The following SLC12A3 variants were observed in gnomAD, a reference collection of about 807,000 sequenced individuals.
SLC12A3 encodes solute carrier family 12 member 3.
In SLC12A3, 104 loss-of-function variants were observed where a neutral mutation model predicts 121.0. The ratio of observed to expected loss-of-function variants is 0.86; its 90% CI spans 0.73 to 1.01. The LOEUF (loss-of-function observed/expected upper bound fraction) is 1.01. Ranked by LOEUF, SLC12A3 falls within the 50% of genes least tolerant of loss-of-function variation. The pLI, the probability that SLC12A3 is intolerant of heterozygous loss-of-function variation, is 0.00. For synonymous variants in SLC12A3, 536 were observed against 533.4 expected (o/e 1.00, Z -0.07); for missense variants, 1,328 against 1,356.3 (o/e 0.98, Z 0.33).
chr16:56,870,365 C>T (rs2055076961), intron 5 of SLC12A3, 130 bp downstream of exon 5: 2 of 1,043,142 alleles, frequency 1.9e-6, no homozygotes, highest in Non-Finnish European at 2.8e-6. Context: ...AGCCTGATCA[C>T]TGTGGGTGAG....
At chr16:56,880,322 G>A in intron 12 of SLC12A3, 69 bp downstream of exon 12, 1 of 1,526,208 alleles carries the variant, frequency 6.6e-7, no homozygotes, top group Non-Finnish European at 8.8e-7. Context: ...GGTCTTGGGG[G>A]CCGGGCTCTT....
rs1181829664 is a variant in SLC12A3 at position 56,904,477 on chromosome 16, G to C, written c.2924+15G>C. The C allele has an allele frequency of 1.9e-6, 3 of 1,611,894 alleles. No homozygotes were observed. The highest frequency in any genetic ancestry group is 2.5e-6 in the Non-Finnish European group (3 of 1,178,306). ...CTCATCGTCATGTAAGTAGTGCCCG[G>C]CTGGTGGGAGGACCAGTCTGTCCAG... On this transcript the variant is annotated intron_variant, in intron 25 of 25. Transcript: ENST00000563236.
chr16:56,888,946 A>G (rs1409227439), intron 18 of SLC12A3, among the ~76,000 whole-genome samples: 2 of 152,188 alleles, frequency 1.3e-5, no homozygotes, highest in East Asian at 3.9e-4. Context: ...GAAGGTGCAC[A>G]GGGAACCAGC....
chr16:56,894,051 T>A (rs188814192), intron 21 of SLC12A3, among the ~76,000 whole-genome samples: 426 of 151,746 alleles, frequency 2.8e-3, no homozygotes, highest in Non-Finnish European at 4.8e-3. Context: ...TTGCCCAGGC[T>A]GGAGTGCAAT....
intron 25 of SLC12A3, among the ~76,000 whole-genome samples, chr16:56,908,928 C>T (rs565163704): frequency 6.6e-6 from 1 of 152,318 alleles, no homozygotes; most frequent in South Asian, 2.1e-4. Context: ...CAGACCACGG[C>T]TTAATGAGTG....
chr16:56,904,515 C>A, intron 25 of SLC12A3, 53 bp downstream of exon 25: 2 of 1,562,358 alleles, frequency 1.3e-6, no homozygotes, highest in South Asian at 1.1e-5. Flanking sequence ...TCAGGTGTCT[C>A]AGCTCTGGGA....
intron 20 of SLC12A3, 42 bp from the exon 21 acceptor site, chr16:56,892,911 G>A (rs376551988): frequency 1.3e-5 from 20 of 1,547,392 alleles, no homozygotes; most frequent in African/African-American, 1.1e-4. Context: ...GCCTGGATGC[G>A]CGGCTGCTGG....
At chr16:56,892,804 C>T (rs1596933416) in intron 20 of SLC12A3, 149 bp from the exon 21 acceptor site, 1 of 670,528 alleles carries the variant, frequency 1.5e-6, no homozygotes, top group Non-Finnish European at 2.7e-6. Flanking sequence ...GGGCACATCA[C>T]AGCACTGAGC....
chr16:56,877,813 A>G (rs138304290), intron 8 of SLC12A3, among the ~76,000 whole-genome samples: 81 of 151,786 alleles, frequency 5.3e-4, no homozygotes, highest in Admixed American at 9.9e-4. Flanking sequence ...CTCTGCCTCC[A>G]TTTCCCAGGG....
Position 56,913,056 on chromosome 16 carries a change from G to A in SLC12A3, c.2925-208G>A, listed in dbSNP as rs556643396. On this transcript the variant is annotated intron_variant, in intron 25 of 25. Transcript: ENST00000563236. Reference sequence around the variant, plus strand: ...AGGACTAGATCCCATAGGGCTTGTGGGCCATGGCTTTGTTTAGAAACGCTT... The same window carrying A: ...AGGACTAGATCCCATAGGGCTTGTGAGCCATGGCTTTGTTTAGAAACGCTT... Among the ~76,000 whole-genome samples the A allele has an allele frequency of 3.9e-5, 6 of 152,256 alleles. No homozygotes were observed. In the South Asian group the frequency reaches 1.0e-3, roughly 26 times the overall value.
intron 21 of SLC12A3, among the ~76,000 whole-genome samples, chr16:56,893,971 TTTTA>T (rs56844793): frequency 0.12 from 14,488 of 116,200 alleles, 946 homozygotes; most frequent in Middle Eastern, 0.16. Flanking sequence ...TTTATTTTTA[TTTTA>T]TTTATTTATT....
At chr16:56,904,361 A>T in intron 24 of SLC12A3, 34 bp from the exon 25 acceptor site, 1 of 1,603,474 alleles carries the variant, frequency 6.2e-7, no homozygotes, top group Non-Finnish European at 8.5e-7. Context: ...CCTCGATGAT[A>T]TGGGAAGTGA....
chr16:56,887,036 C>G lies in SLC12A3; in HGVS notation c.2121C>G (p.Ala707=), dbSNP rs762500731. ...GGCTGAACAAGAGGAAGATCAAGGC[C>G]TTCTACTCGGATGTCATTGCCGAGG... ...TKWLNKRKIK[A]FYSDVIAEDL... Residue 707 remains alanine, a synonymous_variant, in exon 17 of 26, where the codon GCC becomes GCG. Coordinates refer to ENST00000563236, the MANE Select transcript of SLC12A3 (RefSeq NM_001126108.2). The G allele has an allele frequency of 2.7e-5, 43 of 1,613,892 alleles. No individual in the cohort carries two copies. Among genetic ancestry groups the G allele is most frequent in the Non-Finnish European group, 3.6e-5 (42 of 1,180,044 alleles).
intron 25 of SLC12A3, among the ~76,000 whole-genome samples, chr16:56,912,691 C>T (rs766557160): frequency 6.6e-6 from 1 of 152,152 alleles, no homozygotes; most frequent in Non-Finnish European, 1.5e-5. Flanking sequence ...TCCTTGTGAG[C>T]GAACATTCTA....
chr16:56,865,739 G>A (rs1964338712), intron 1 of SLC12A3, among the ~76,000 whole-genome samples: 1 of 152,192 alleles, frequency 6.6e-6, no homozygotes, highest in African/African-American at 2.4e-5. Context: ...AGAGTGGGAG[G>A]CCTAGAGAGG....
At chr16:56,895,889 C>T (rs1047783823) in intron 22 of SLC12A3, among the ~76,000 whole-genome samples, 4 of 152,078 alleles carry the variant, frequency 2.6e-5, no homozygotes, top group Admixed American at 2.0e-4. Flanking sequence ...GACAGATCAT[C>T]AGGAGGGTTC....
At chr16:56,873,372 TTC>T (rs2055124516) in intron 8 of SLC12A3, among the ~76,000 whole-genome samples, 7 of 113,064 alleles carry the variant, frequency 6.2e-5, no homozygotes, top group South Asian at 3.1e-4. Context: ...TTCTCTTTCT[TTC>T]TTTTTTTTTT....
At chr16:56,878,252 G>C in intron 9 of SLC12A3, 91 bp downstream of exon 9, 1 of 1,022,404 alleles carries the variant, frequency 9.8e-7, no homozygotes, top group East Asian at 2.4e-5. Flanking sequence ...GGGGATCAGA[G>C]GGTGGGGTTC....
chr16:56,879,073 G>C lies in SLC12A3; in HGVS notation c.1181G>C (p.Gly394Ala). 6.2e-7 allele frequency: 1 copy of C among 1,607,866 alleles called. No homozygotes were observed. Among genetic ancestry groups the C allele is most frequent in the Non-Finnish European group, 8.5e-7 (1 of 1,177,732 alleles). ...ISYLAISATI[G>A]SCVVRDASGV... ...CCCATGCTCTCCTTCCTCCTCTCAGGCTCCTGCGTGGTGCGTGATGCCTCT... is the reference window on the plus strand; with the variant it reads ...CCCATGCTCTCCTTCCTCCTCTCAGCCTCCTGCGTGGTGCGTGATGCCTCT... Residue 394 changes from glycine to alanine, a missense_variant and splice_region_variant, in exon 10 of 26, where the codon GGC becomes GCC. Gly to Ala is a moderately conservative substitution (Grantham distance 60). Coordinates refer to ENST00000563236, the MANE Select transcript of SLC12A3 (RefSeq NM_001126108.2).
Sources: gnomAD v4.1 joint callset for allele counts (sites outside exome capture counted in the v4.1 genomes callset) on GRCh38, gnomAD v4.1.1 for gene constraint, MANE v1.5 for transcripts, NCBI Gene and HGNC (gene_info 2026-07-23, HGNC 2026-07-21) for gene names.